NEGR1: variants seen among roughly 807,000 people sequenced by gnomAD.
NEGR1 encodes the protein IgLON family member 4.
In NEGR1, 10 loss-of-function variants were observed where a neutral mutation model predicts 40.9. The ratio of observed to expected loss-of-function variants is 0.24; its 90% confidence interval spans 0.15 to 0.42. The LOEUF is 0.42. Ranked by LOEUF, NEGR1 falls within the 10% of genes least tolerant of loss-of-function variation. NEGR1 has a pLI of 1.00. For synonymous variants in NEGR1, 185 were observed against 166.8 expected, an observed-to-expected ratio of 1.11 and a Z score of -0.84; for missense variants, 352 against 438.9, an observed-to-expected ratio of 0.80 and a Z score of 1.77.
chr1:71,829,255 T>C (rs1658753471), intron 2 of NEGR1, among the ~76,000 whole-genome samples: 1 of 151,928 alleles, frequency 6.6e-6, no homozygotes, highest in Non-Finnish European at 1.5e-5. Flanking sequence ...ATGAAAAAAT[T>C]AAACTGAAAT....
chr1:72,177,541 C>T (rs549132353), intron 1 of NEGR1, among the ~76,000 whole-genome samples: 44 of 151,952 alleles, frequency 2.9e-4, no homozygotes, highest in African/African-American at 7.0e-4. Flanking sequence ...AATTAATACA[C>T]GTAATTTTAG....
At chr1:71,770,883 A>G (rs1656294185) in intron 3 of NEGR1, among the ~76,000 whole-genome samples, 1 of 152,210 alleles carries the variant, frequency 6.6e-6, no homozygotes, top group Non-Finnish European at 1.5e-5. Context: ...ATTGTGGAAG[A>G]CAGTGTGGTA....
At chr1:71,718,007 C>A (rs145438391) in intron 3 of NEGR1, among the ~76,000 whole-genome samples, 1 of 152,110 alleles carries the variant, frequency 6.6e-6, no homozygotes. Context: ...AATTGTGAGA[C>A]AATACATTTC....
chr1:71,429,112 T>C (rs190509760), intron 6 of NEGR1, among the ~76,000 whole-genome samples: 29 of 152,300 alleles, frequency 1.9e-4, no homozygotes, highest in Admixed American at 5.2e-4. Context: ...TTGATAACTT[T>C]AGAGTTTTTT....
rs893193839 is a variant in NEGR1, at chr1:71,398,308, C to T, written c.*9138G>A. On this transcript the variant is annotated 3_prime_UTR_variant, in exon 7 of 7. Transcript: ENST00000357731. The stretch of plus-strand genomic sequence containing the variant: ...TGCACCTGGAAAAGGCACAGACACT[C>T]AATGCCAGCTGGTGAAAGCAGCCAG... 2 of 152,524 alleles carry T rather than the reference C, an allele frequency of 1.3e-5. No individual in the cohort carries two copies. Among genetic ancestry groups the T allele is most frequent in the Admixed American group, 1.3e-4 (2 of 15,288 alleles). 9.4% of individuals were successfully genotyped at this position (152,524 alleles called of 1,614,324 possible).
intron 1 of NEGR1, among the ~76,000 whole-genome samples, chr1:72,186,519 C>A (rs1652618120): frequency 6.6e-6 from 1 of 151,480 alleles, no homozygotes; most frequent in South Asian, 2.1e-4. Flanking sequence ...GGTACCAATG[C>A]TAAAGTCTCA....
At chr1:71,458,953 C>T (rs746268055) in intron 6 of NEGR1, among the ~76,000 whole-genome samples, 1 of 152,038 alleles carries the variant, frequency 6.6e-6, no homozygotes, top group Non-Finnish European at 1.5e-5. Context: ...CACCCCATTC[C>T]TCAAAACCTT....
At chr1:71,550,730 A>T (rs1648048739) in intron 6 of NEGR1, among the ~76,000 whole-genome samples, 1 of 151,602 alleles carries the variant, frequency 6.6e-6, no homozygotes, top group African/African-American at 2.4e-5. Context: ...AGTAGGATAA[A>T]CTGGACCACA....
intron 1 of NEGR1, among the ~76,000 whole-genome samples, chr1:72,018,620 T>C (rs1229391808): frequency 2.0e-5 from 3 of 152,034 alleles, no homozygotes; most frequent in African/African-American, 7.2e-5. Context: ...TGAAATATAA[T>C]GTCATGTAAT....
chr1:71,998,237 C>A (rs1438012796), intron 1 of NEGR1, among the ~76,000 whole-genome samples: 5 of 151,748 alleles, frequency 3.3e-5, no homozygotes, highest in African/African-American at 7.3e-5. Context: ...GAAGATTAAA[C>A]CAAATAATGC....
At chr1:72,021,601 T>C (rs775858331) in intron 1 of NEGR1, among the ~76,000 whole-genome samples, 4 of 152,114 alleles carry the variant, frequency 2.6e-5, no homozygotes, top group Non-Finnish European at 5.9e-5. Flanking sequence ...AGTAAAATGA[T>C]ATTTTGAAAA....
At chr1:71,982,500 T>C (rs979636782) in intron 1 of NEGR1, among the ~76,000 whole-genome samples, 2 of 152,176 alleles carry the variant, frequency 1.3e-5, no homozygotes, top group Non-Finnish European at 2.9e-5. Flanking sequence ...GCTATTGATT[T>C]CAAAATGTCT....
At chr1:71,646,274 C>G (rs1394822080) in intron 4 of NEGR1, among the ~76,000 whole-genome samples, 1 of 151,294 alleles carries the variant, frequency 6.6e-6, no homozygotes, top group Admixed American at 6.6e-5. Context: ...TTTTTTTAAA[C>G]AGTAGTTCAT....
At chr1:72,243,678 A>G (rs1004410754) in intron 1 of NEGR1, among the ~76,000 whole-genome samples, 1 of 151,854 alleles carries the variant, frequency 6.6e-6, no homozygotes, top group Admixed American at 6.6e-5. Context: ...GATTACAATT[A>G]TAACAAATTA....
intron 1 of NEGR1, among the ~76,000 whole-genome samples, chr1:72,007,914 G>T (rs1425558513): frequency 6.6e-6 from 1 of 152,024 alleles, no homozygotes; most frequent in Non-Finnish European, 1.5e-5. Flanking sequence ...TTATGGCTGG[G>T]TAATAATGAG....
At chr1:71,841,986 A>G (rs1179955633) in intron 2 of NEGR1, among the ~76,000 whole-genome samples, 1 of 152,158 alleles carries the variant, frequency 6.6e-6, no homozygotes, top group African/African-American at 2.4e-5. Context: ...TGAGGCTCTG[A>G]TCACACACTG....
chr1:71,690,251 T>C (rs767456478), intron 4 of NEGR1, among the ~76,000 whole-genome samples: 144 of 151,972 alleles, frequency 9.5e-4, no homozygotes, highest in African/African-American at 3.2e-3. Flanking sequence ...GTATTGTTCA[T>C]TCTATAAATG....
At chr1:71,716,361 A>G (rs1274531544) in intron 3 of NEGR1, among the ~76,000 whole-genome samples, 1 of 152,126 alleles carries the variant, frequency 6.6e-6, no homozygotes, top group Non-Finnish European at 1.5e-5. Flanking sequence ...CATCAAATGT[A>G]AAAATATGTA....
intron 2 of NEGR1, among the ~76,000 whole-genome samples, chr1:71,929,655 A>G (rs1557440230): frequency 6.6e-6 from 1 of 150,694 alleles, no homozygotes; most frequent in Non-Finnish European, 1.5e-5. Flanking sequence ...AAAATTTTGA[A>G]ATTTTCACTG....
Sources: gnomAD v4.1 joint callset for allele counts (sites outside exome capture counted in the v4.1 genomes callset) on GRCh38, gnomAD v4.1.1 for gene constraint, MANE v1.5 for transcripts, NCBI Gene and HGNC (gene_info 2026-07-23, HGNC 2026-07-21) for gene names.